SLC9C1: variants seen among roughly 807,000 people sequenced by gnomAD.
SLC9C1 encodes solute carrier family 9 member C1, also known as sodium/hydrogen exchanger 10.
Under a neutral mutation model 140.9 loss-of-function variants are expected in SLC9C1, and 97 were observed. The ratio of observed to expected loss-of-function variants is 0.69; its 90% CI spans 0.58 to 0.82. SLC9C1 has a LOEUF of 0.82. Ranked by LOEUF, SLC9C1 falls within the 40% of genes least tolerant of loss-of-function variation. SLC9C1 has a pLI of 0.00. For missense variants in SLC9C1, 1,340 were observed against 1,389.3 expected, an observed-to-expected ratio of 0.96 and a Z score of 0.56; for synonymous variants, 440 against 442.6, an observed-to-expected ratio of 0.99 and a Z score of 0.07.
Position 112,231,424 on chromosome 3 carries a change from T to C in SLC9C1, c.1509A>G (p.Ile503Met), listed in dbSNP as rs1409462026. 22 of 1,613,236 alleles carry C rather than the reference T, an allele frequency of 1.4e-5. No individual in the cohort carries two copies. Among genetic ancestry groups the C allele is most frequent in the Non-Finnish European group, 1.7e-5 (20 of 1,179,648 alleles). The change falls in exon 13 of 29, where the codon ATA becomes ATG. Residue 503 changes from isoleucine (I) to methionine (M), a missense_variant. Transcript: ENST00000305815. ...TTGCTTCAGTGTTAAAGATCTCATC[T>C]ATTTCCTTGTTACAGTGTGGACATT... ...KVKCPHCNKE[I>M]DEIFNTEAME... is the part of the protein sequence containing the mutation.
intron 15 of SLC9C1, among the ~76,000 whole-genome samples, chr3:112,215,498 A>G (rs1258378921): frequency 6.6e-6 from 1 of 152,168 alleles, no homozygotes; most frequent in Non-Finnish European, 1.5e-5. Context: ...GCTCATAAGC[A>G]ACTTCAGCAA....
intron 3 of SLC9C1, among the ~76,000 whole-genome samples, chr3:112,280,401 G>A (rs868547036): frequency 6.8e-6 from 1 of 147,914 alleles, no homozygotes; most frequent in South Asian, 2.3e-4. Context: ...TTTAAAATCT[G>A]TTTAACATTC....
chr3:112,234,206 T>G (rs1305927329), intron 12 of SLC9C1, among the ~76,000 whole-genome samples: 2 of 152,228 alleles, frequency 1.3e-5, no homozygotes, highest in Non-Finnish European at 2.9e-5. Flanking sequence ...TCGTTGTGGT[T>G]TTGATTTGCA....
At chr3:112,247,372 G>A (rs2079316591) in intron 10 of SLC9C1, among the ~76,000 whole-genome samples, 2 of 152,100 alleles carry the variant, frequency 1.3e-5, no homozygotes, top group Non-Finnish European at 2.9e-5. Context: ...ATAGCAATTT[G>A]TGTTGAAATA....
At chr3:112,169,518 C>CT (rs1299450153) in intron 23 of SLC9C1, among the ~76,000 whole-genome samples, 190 bp from the exon 24 acceptor site, 1 of 152,048 alleles carries the variant, frequency 6.6e-6, no homozygotes, top group Non-Finnish European at 1.5e-5. Context: ...TTGTTGTTGA[C>CT]TTTGTCAAAA....
chr3:112,262,332 G>T (rs2079795792), intron 10 of SLC9C1, among the ~76,000 whole-genome samples: 1 of 151,664 alleles, frequency 6.6e-6, no homozygotes, highest in Non-Finnish European at 1.5e-5. Context: ...GATACATAAT[G>T]ATTATCTTGC....
At chr3:112,237,070 A>T (rs2079007392) in intron 12 of SLC9C1, among the ~76,000 whole-genome samples, 1 of 151,836 alleles carries the variant, frequency 6.6e-6, no homozygotes, top group Non-Finnish European at 1.5e-5. Context: ...TGGGGTGTTA[A>T]TTTCTCCCAT....
intron 11 of SLC9C1, among the ~76,000 whole-genome samples, chr3:112,242,020 G>A (rs2079150563): frequency 6.6e-6 from 1 of 151,990 alleles, no homozygotes; most frequent in Non-Finnish European, 1.5e-5. Flanking sequence ...GGAAATAAAT[G>A]TTTCCACACC....
intron 26 of SLC9C1, 38 bp downstream of exon 26, chr3:112,167,183 A>G: frequency 6.3e-7 from 1 of 1,598,186 alleles, no homozygotes; most frequent in South Asian, 1.1e-5. Context: ...ATAAAGGGAA[A>G]GTAAGTTTTC....
At chr3:112,247,088 TAC>T (rs2079307999) in intron 10 of SLC9C1, among the ~76,000 whole-genome samples, 2 of 152,196 alleles carry the variant, frequency 1.3e-5, no homozygotes, top group African/African-American at 4.8e-5. Context: ...GCTTATTTTA[TAC>T]AGAGTTCATT....
intron 13 of SLC9C1, among the ~76,000 whole-genome samples, chr3:112,225,546 A>T (rs1358003155): frequency 3.1e-5 from 2 of 64,006 alleles, no homozygotes; most frequent in Non-Finnish European, 3.5e-5. Context: ...CCAACCAAAA[A>T]AAAAAACACA....
chr3:112,268,350 G>C (rs1228177991), intron 7 of SLC9C1, among the ~76,000 whole-genome samples: 2 of 152,120 alleles, frequency 1.3e-5, no homozygotes, highest in Admixed American at 6.5e-5. Flanking sequence ...TTCCTCTTCA[G>C]AGGGAAAAAT....
intron 25 of SLC9C1, among the ~76,000 whole-genome samples, chr3:112,168,249 T>C (rs1396619503): frequency 6.6e-6 from 1 of 152,056 alleles, no homozygotes; most frequent in African/African-American, 2.4e-5. Flanking sequence ...AATTACTTTT[T>C]GTAGCTGTGT....
chr3:112,162,481 G>T (rs1032821197), intron 26 of SLC9C1, among the ~76,000 whole-genome samples: 31 of 152,162 alleles, frequency 2.0e-4, no homozygotes, highest in Non-Finnish European at 3.7e-4. Context: ...TTAGCATGAA[G>T]GGTTGTTGGA....
intron 2 of SLC9C1, among the ~76,000 whole-genome samples, chr3:112,281,775 T>C (rs964793917): frequency 6.6e-6 from 1 of 152,162 alleles, no homozygotes; most frequent in African/African-American, 2.4e-5. Context: ...TTTGCTAAAA[T>C]TGAAGCAAGA....
At chr3:112,165,505 G>T (rs533885898) in intron 26 of SLC9C1, among the ~76,000 whole-genome samples, 4 of 152,334 alleles carry the variant, frequency 2.6e-5, no homozygotes, top group African/African-American at 9.6e-5. Flanking sequence ...ACCCTCAGCT[G>T]CAGGTCTGTT....
chr3:112,261,879 A>G (rs1195592066), intron 10 of SLC9C1, among the ~76,000 whole-genome samples: 2 of 152,092 alleles, frequency 1.3e-5, no homozygotes, highest in Admixed American at 1.3e-4. Flanking sequence ...ATGAGAGCTA[A>G]TCGTTCAATT....
intron 26 of SLC9C1, among the ~76,000 whole-genome samples, chr3:112,165,690 G>A (rs542681525): frequency 6.6e-6 from 1 of 152,198 alleles, no homozygotes; most frequent in Non-Finnish European, 1.5e-5. Flanking sequence ...ACTGGGGGGT[G>A]CCTCCCAGTT....
At chr3:112,206,453 G>C (rs1258908704) in intron 16 of SLC9C1, among the ~76,000 whole-genome samples, 1 of 152,116 alleles carries the variant, frequency 6.6e-6, no homozygotes, top group Non-Finnish European at 1.5e-5. Flanking sequence ...CAAGGATCTA[G>C]AACTAGAAAT....
Sources: gnomAD v4.1 joint callset for allele counts (sites outside exome capture counted in the v4.1 genomes callset) on GRCh38, gnomAD v4.1.1 for gene constraint, MANE v1.5 for transcripts, NCBI Gene and HGNC (gene_info 2026-07-23, HGNC 2026-07-21) for gene names.